The following MTUS1 variants were observed in gnomAD, a reference collection of about 807,000 sequenced individuals.
MTUS1 encodes microtubule-associated tumor suppressor 1.
Under a neutral mutation model 120.8 loss-of-function variants are expected in MTUS1, and 109 were observed. That is an observed-to-expected ratio of 0.90 (90% CI 0.77 to 1.06). The LOEUF is 1.06. MTUS1 is among the 50% of genes least tolerant of loss of function. The pLI is 0.00. For missense variants in MTUS1, 2,210 were observed against 1,486.3 expected (o/e 1.49, Z -8.01); for synonymous variants, 737 against 550.5 (o/e 1.34, Z -4.74).
chr8:17,675,340 C>T, intron 7 of MTUS1, 88 bp from the exon 8 acceptor site: 1 of 1,178,072 alleles, frequency 8.5e-7, no homozygotes, highest in East Asian at 2.4e-5. Context: ...GAAAATGAGA[C>T]CCAGTATTGG....
intron 8 of MTUS1, among the ~76,000 whole-genome samples, chr8:17,660,743 A>C (rs1353011529): frequency 1.3e-5 from 2 of 152,172 alleles, no homozygotes; most frequent in African/African-American, 4.8e-5. Context: ...TAATGAGTAC[A>C]TCACTGTGGT....
intron 6 of MTUS1, among the ~76,000 whole-genome samples, chr8:17,705,147 A>G (rs988906057): frequency 6.6e-6 from 1 of 151,900 alleles, no homozygotes; most frequent in African/African-American, 2.4e-5. Flanking sequence ...ACGTGCAGCT[A>G]ATTTTTTTGT....
chr8:17,760,212 T>C (rs1389975087), intron 1 of MTUS1, among the ~76,000 whole-genome samples: 1 of 151,944 alleles, frequency 6.6e-6, no homozygotes, highest in Non-Finnish European at 1.5e-5. Context: ...ACCCTATCAC[T>C]ATTAAAAGAA....
At chr8:17,768,471 T>C (rs538225654) in intron 1 of MTUS1, among the ~76,000 whole-genome samples, 4 of 152,212 alleles carry the variant, frequency 2.6e-5, no homozygotes, top group South Asian at 2.1e-4. Context: ...ATTTAAGACT[T>C]TTTAAAAGAA....
At chr8:17,697,154 T>C in intron 6 of MTUS1, 1 of 1,416,368 alleles carries the variant, frequency 7.1e-7, no homozygotes, top group Non-Finnish European at 9.4e-7. Flanking sequence ...AGAGCTTTTT[T>C]CCTCCAATTA....
rs779009439 is a variant in MTUS1 at position 17,655,910 on chromosome 8, T to C, written c.3061A>G (p.Thr1021Ala). 1.2e-6 allele frequency: 2 copies of C among 1,614,122 alleles called. No individual in the cohort carries two copies. The highest frequency in any genetic ancestry group is 1.7e-6 in the Non-Finnish European group (2 of 1,180,038). ...YTREYEKLRD[T>A]YIEEAEKYKM... Reference sequence around the variant, plus strand: ...TACTTCTCTGCTTCTTCAATGTAAGTGTCCCGAAGCTTTTCATACTCCCTG... The same window carrying C: ...TACTTCTCTGCTTCTTCAATGTAAGCGTCCCGAAGCTTTTCATACTCCCTG... The change falls in exon 9 of 15, where the codon ACT (threonine) becomes GCT (alanine). Residue 1021 changes from threonine (T) to alanine (A), a missense_variant. By Grantham distance (58) the Thr-to-Ala change is moderately conservative. Coordinates refer to ENST00000693296, the MANE Select transcript of MTUS1 (RefSeq NM_001363059.2).
chr8:17,682,782 T>C (rs1054897847), intron 7 of MTUS1, among the ~76,000 whole-genome samples: 1 of 152,210 alleles, frequency 6.6e-6, no homozygotes, highest in Non-Finnish European at 1.5e-5. Flanking sequence ...CCACATTTGA[T>C]AGTATACAGT....
At chr8:17,725,630 T>C (rs1299465245) in intron 3 of MTUS1, among the ~76,000 whole-genome samples, 2 of 152,176 alleles carry the variant, frequency 1.3e-5, no homozygotes, top group Admixed American at 6.6e-5. Flanking sequence ...AACTCCATCA[T>C]GTTAATCTCC....
At chr8:17,713,190 G>A (rs368331886) in intron 6 of MTUS1, 24 bp downstream of exon 6, 136 of 1,560,692 alleles carry the variant, frequency 8.7e-5, no homozygotes, top group African/African-American at 3.8e-4. Flanking sequence ...TCTTTTTATC[G>A]CCATCCATAA....
At chr8:17,748,242 C>T (rs2047918887) in intron 2 of MTUS1, 1 of 152,226 alleles carries the variant, frequency 6.6e-6, no homozygotes. Flanking sequence ...GATGGCTTAG[C>T]TTTGGAGAAG....
chr8:17,669,443 C>CGTGAAT (rs1303480529), intron 8 of MTUS1, among the ~76,000 whole-genome samples: 1 of 151,604 alleles, frequency 6.6e-6, no homozygotes, highest in Non-Finnish European at 1.5e-5. Flanking sequence ...AGTGCCTAGA[C>CGTGAAT]GTGAATTTGG....
At chr8:17,667,005 T>G (rs1045452135) in intron 8 of MTUS1, among the ~76,000 whole-genome samples, 2 of 152,192 alleles carry the variant, frequency 1.3e-5, no homozygotes, top group African/African-American at 2.4e-5. Context: ...GAGCCACTAT[T>G]CTACACAATA....
chr8:17,754,631 A>G lies in MTUS1; in HGVS notation c.1177T>C (p.Ser393Pro), dbSNP rs1418626625. ...GKDLGTQNHTSELILSSPPGQ... is the reference protein window; with the variant it reads ...GKDLGTQNHTPELILSSPPGQ... ...GGCGGGCTACTTAGAATCAATTCTG[A>G]GGTATGATTTTGGGTTCCCAAATCC... is the stretch of plus-strand genomic sequence containing the variant. The change falls in exon 2 of 15, where the codon TCA becomes CCA. Residue 393 changes from serine (S) to proline (P), a missense_variant. Physicochemically the swap from Ser to Pro is moderately conservative, Grantham distance 74. Transcript: ENST00000693296. The G allele has an allele frequency of 6.2e-7, 1 of 1,614,174 alleles. No homozygotes were observed. Among genetic ancestry groups the G allele is most frequent in the Non-Finnish European group, 8.5e-7 (1 of 1,180,030 alleles).
chr8:17,753,505 T>C (rs1377182744), intron 2 of MTUS1, among the ~76,000 whole-genome samples: 6 of 152,322 alleles, frequency 3.9e-5, no homozygotes, highest in South Asian at 4.1e-4. Flanking sequence ...TACAAAATAC[T>C]GAAATTGAGG....
intron 6 of MTUS1, among the ~76,000 whole-genome samples, chr8:17,707,120 C>T (rs549864092): frequency 1.3e-5 from 2 of 152,264 alleles, no homozygotes; most frequent in African/African-American, 4.8e-5. Context: ...GAGGCAATGT[C>T]TTCTGTATCA....
chr8:17,678,216 T>A (rs116397138), intron 7 of MTUS1, among the ~76,000 whole-genome samples: 10 of 152,318 alleles, frequency 6.6e-5, no homozygotes, highest in African/African-American at 2.4e-4. Context: ...AAATGCATTA[T>A]GTCCTTTAGA....
intron 1 of MTUS1, among the ~76,000 whole-genome samples, chr8:17,779,657 C>G (rs1380898977): frequency 6.6e-6 from 1 of 152,202 alleles, no homozygotes; most frequent in African/African-American, 2.4e-5. Context: ...GGGAATCAAC[C>G]TTAAAGAAGG....
At chr8:17,673,162 T>TTAACTCTG (rs1563175901) in intron 8 of MTUS1, among the ~76,000 whole-genome samples, 2 of 152,184 alleles carry the variant, frequency 1.3e-5, no homozygotes, top group African/African-American at 4.8e-5. Flanking sequence ...GGGTTGGTCA[T>TTAACTCTG]TTAGGTAATC....
intron 3 of MTUS1, among the ~76,000 whole-genome samples, chr8:17,731,501 T>C (rs1181599562): frequency 3.3e-5 from 5 of 152,098 alleles, no homozygotes; most frequent in Non-Finnish European, 7.4e-5. Context: ...ATAAATTAAA[T>C]TGGATTACAA....
Sources: gnomAD v4.1 joint callset for allele counts (sites outside exome capture counted in the v4.1 genomes callset) on GRCh38, gnomAD v4.1.1 for gene constraint, MANE v1.5 for transcripts, NCBI Gene and HGNC (gene_info 2026-07-23, HGNC 2026-07-21) for gene names.